The following KCNJ3 variants were observed in gnomAD, a reference collection of about 807,000 sequenced individuals.
KCNJ3 encodes G protein-activated inward rectifier potassium channel 1.
KCNJ3 carries 4 observed loss-of-function variants against 39.2 expected under a neutral mutation model. The ratio of observed to expected loss-of-function variants is 0.10; its 90% CI spans 0.05 to 0.23. The LOEUF (loss-of-function observed/expected upper bound fraction) is 0.23, where lower values mean the gene tolerates loss of function less well. Among genes scored for constraint, KCNJ3 ranks in the 10% least tolerant of loss-of-function variants. The pLI, the probability that KCNJ3 is intolerant of heterozygous loss-of-function variation, is 1.00. For missense variants in KCNJ3, 276 were observed against 634.9 expected (o/e 0.43, Z 6.08); for synonymous variants, 230 against 237.4 (o/e 0.97, Z 0.29).
chr2:154,800,020 G>A (rs1574467016), intron 2 of KCNJ3, among the ~76,000 whole-genome samples: 1 of 152,272 alleles, frequency 6.6e-6, no homozygotes, highest in South Asian at 2.1e-4. Flanking sequence ...AAGACAAGAT[G>A]ACATTTGTAC....
At chr2:154,710,601 A>G (rs1198099783) in intron 2 of KCNJ3, among the ~76,000 whole-genome samples, 1 of 152,058 alleles carries the variant, frequency 6.6e-6, no homozygotes, top group Non-Finnish European at 1.5e-5. Context: ...TAGTTTCCAT[A>G]TAATTGTATG....
chr2:154,817,016 A>G lies in KCNJ3; in HGVS notation c.920-37711A>G, dbSNP rs181592147. Among the ~76,000 whole-genome samples the G allele has an allele frequency of 3.3e-5, 5 of 152,280 alleles. No homozygotes were observed. In the East Asian group the frequency reaches 7.7e-4, roughly 24 times the overall value. On this transcript the variant is annotated intron_variant, in intron 2 of 2. Transcript: ENST00000295101. The stretch of plus-strand genomic sequence containing the variant: ...CTGGCAAGTCATTTGGCCCTGAGGC[A>G]TTATATCATATCTATGGCAGTCCTC...
At chr2:154,703,479 ATGTGTG>A (rs3138640) in intron 1 of KCNJ3, among the ~76,000 whole-genome samples, 1 of 148,178 alleles carries the variant, frequency 6.7e-6, no homozygotes, top group African/African-American at 2.5e-5. Context: ...CTCCATATAT[ATGTGTG>A]TGTGTGTGTG....
intron 2 of KCNJ3, among the ~76,000 whole-genome samples, chr2:154,728,636 T>C (rs570550032): frequency 6.6e-6 from 1 of 152,184 alleles, no homozygotes; most frequent in Non-Finnish European, 1.5e-5. Flanking sequence ...TAGCATGTGA[T>C]ATTTAAAACT....
intron 2 of KCNJ3, among the ~76,000 whole-genome samples, chr2:154,710,474 G>T (rs1180159536): frequency 6.6e-6 from 1 of 151,960 alleles, no homozygotes; most frequent in Non-Finnish European, 1.5e-5. Context: ...AATACTATTT[G>T]CTATTTTCTG....
chr2:154,797,046 T>A (rs1445654), intron 2 of KCNJ3, among the ~76,000 whole-genome samples: 114,924 of 151,986 alleles, frequency 0.76, 44,302 homozygotes, highest in East Asian at 0.89. Flanking sequence ...GAGGAGAAAG[T>A]GCCTCAAATT....
At chr2:154,827,277 T>A (rs941301847) in intron 2 of KCNJ3, among the ~76,000 whole-genome samples, 2 of 152,204 alleles carry the variant, frequency 1.3e-5, no homozygotes, top group African/African-American at 4.8e-5. Context: ...TCTTTAGCTT[T>A]TTACTTTCTT....
intron 2 of KCNJ3, among the ~76,000 whole-genome samples, chr2:154,725,166 A>G: frequency 6.6e-6 from 1 of 150,728 alleles, no homozygotes. Flanking sequence ...TATCTTTCAC[A>G]TTGTTACTGG....
intron 2 of KCNJ3, among the ~76,000 whole-genome samples, chr2:154,776,154 C>A: frequency 6.6e-6 from 1 of 151,802 alleles, no homozygotes; most frequent in East Asian, 1.9e-4. Flanking sequence ...GGCACACACC[C>A]CCACGCCAGG....
At position 154,699,930 on chromosome 2, in the gene KCNJ3, G is replaced by A. The variant is rs1684858097; in HGVS notation, c.702+453G>A. On this transcript the variant is annotated intron_variant, in intron 1 of 2. Transcript: ENST00000295101. This position sits in a 1 kb window ranked among gnomAD's most constrained non-coding sequence, Gnocchi z 6.4. Reference sequence around the variant, plus strand: ...GTGCTGAACTTGCCTCAACTTTCACGATGGGCTTTTCTTATTTTTTTCTTT... The same window carrying A: ...GTGCTGAACTTGCCTCAACTTTCACAATGGGCTTTTCTTATTTTTTTCTTT... Among the ~76,000 whole-genome samples, 1 of 152,048 alleles carries A rather than the reference G, an allele frequency of 6.6e-6. No homozygotes were observed. Among genetic ancestry groups the A allele is most frequent in the Non-Finnish European group, 1.5e-5 (1 of 68,018 alleles).
At chr2:154,800,029 A>C (rs975506422) in intron 2 of KCNJ3, among the ~76,000 whole-genome samples, 1 of 152,164 alleles carries the variant, frequency 6.6e-6, no homozygotes, top group Non-Finnish European at 1.5e-5. Context: ...TGACATTTGT[A>C]CCAAGTCTTG....
intron 2 of KCNJ3, among the ~76,000 whole-genome samples, chr2:154,849,740 C>T (rs1409315249): frequency 6.6e-6 from 1 of 152,106 alleles, no homozygotes; most frequent in Admixed American, 6.6e-5. Flanking sequence ...TAATTAAGGA[C>T]TTGTCAAATA....
At chr2:154,834,695 C>A (rs1390729644) in intron 2 of KCNJ3, among the ~76,000 whole-genome samples, 2 of 151,872 alleles carry the variant, frequency 1.3e-5, no homozygotes, top group African/African-American at 2.4e-5. Flanking sequence ...CCACTGCACT[C>A]CCGCCTGGGT....
intron 2 of KCNJ3, among the ~76,000 whole-genome samples, chr2:154,729,528 T>C (rs549927145): frequency 6.6e-6 from 1 of 152,164 alleles, no homozygotes; most frequent in Non-Finnish European, 1.5e-5. Context: ...TAACTCCTAG[T>C]TGATTTAGGC....
chr2:154,727,187 C>T (rs946002990), intron 2 of KCNJ3, among the ~76,000 whole-genome samples: 7 of 152,106 alleles, frequency 4.6e-5, no homozygotes, highest in Non-Finnish European at 8.8e-5. Context: ...TAAAAAACTT[C>T]TATTTTACTA....
At chr2:154,763,712 G>A (rs574377403) in intron 2 of KCNJ3, among the ~76,000 whole-genome samples, 1 of 152,284 alleles carries the variant, frequency 6.6e-6, no homozygotes, top group African/African-American at 2.4e-5. Context: ...GAGATGCTGA[G>A]AATCAAACCC....
At chr2:154,700,722 T>C (rs1400136671) in intron 1 of KCNJ3, among the ~76,000 whole-genome samples, 1 of 152,188 alleles carries the variant, frequency 6.6e-6, no homozygotes, top group Non-Finnish European at 1.5e-5. Flanking sequence ...TCCAATGTGC[T>C]TTTAAAAAGT....
At chr2:154,845,350 C>T (rs2105133932) in intron 2 of KCNJ3, among the ~76,000 whole-genome samples, 1 of 152,100 alleles carries the variant, frequency 6.6e-6, no homozygotes, top group Admixed American at 6.6e-5. Flanking sequence ...AACTCCTGAC[C>T]TCAAGTGATC....
At chr2:154,711,498 C>T (rs1342686636) in intron 2 of KCNJ3, among the ~76,000 whole-genome samples, 2 of 152,054 alleles carry the variant, frequency 1.3e-5, no homozygotes, top group Non-Finnish European at 2.9e-5. Flanking sequence ...TATCTAGCTA[C>T]CCGTTCATTC....
Sources: allele counts gnomAD v4.1 joint callset (sites outside exome capture counted in the v4.1 genomes callset), GRCh38; gene constraint gnomAD v4.1.1; non-coding constraint Gnocchi (gnomAD v3.1); transcripts MANE v1.5; gene names NCBI Gene and HGNC (gene_info 2026-07-23, HGNC 2026-07-21).